PCDHGB1: variants seen among roughly 807,000 people sequenced by gnomAD.
PCDHGB1 encodes protocadherin gamma subfamily B, 1.
Under a neutral mutation model 56.6 loss-of-function variants are expected in PCDHGB1, and 34 were observed. The ratio of observed to expected loss-of-function variants is 0.60; its 90% CI spans 0.46 to 0.80. PCDHGB1 has a LOEUF of 0.80. PCDHGB1 is among the 30% of genes least tolerant of loss of function. The pLI is 0.00. For synonymous variants in PCDHGB1, 561 were observed against 505.9 expected, an observed-to-expected ratio of 1.11 and a Z score of -1.46; for missense variants, 1,278 against 1,204.6, an observed-to-expected ratio of 1.06 and a Z score of -0.90.
intron 1 of PCDHGB1, among the ~76,000 whole-genome samples, chr5:141,363,849 A>C (rs1476052726): frequency 6.6e-6 from 1 of 152,206 alleles, no homozygotes; most frequent in African/African-American, 2.4e-5. Flanking sequence ...AATTTAATGG[A>C]CTAAATATAG....
At chr5:141,478,090 C>T in intron 1 of PCDHGB1, 2 of 1,614,108 alleles carry the variant, frequency 1.2e-6, no homozygotes, top group Non-Finnish European at 1.7e-6. Flanking sequence ...CGCTCTCCAC[C>T]ACTGCTACCC....
intron 1 of PCDHGB1, chr5:141,385,343 T>C: frequency 1.3e-6 from 2 of 1,568,526 alleles, no homozygotes; most frequent in Non-Finnish European, 1.7e-6. Flanking sequence ...GCCCTTCCTT[T>C]ATTTCCATGA....
chr5:141,351,540 C>G lies in PCDHGB1; in HGVS notation c.1280C>G (p.Ala427Gly). Residue 427 changes from alanine to glycine, a missense_variant, in exon 1 of 4, where the codon GCC becomes GGC. Transcript: ENST00000523390. ...ATAGCCACCGACAAGGGCAAACCAGCCCTTTCCTCCAGGACAAGCATCACC... is the reference window on the plus strand; with the variant it reads ...ATAGCCACCGACAAGGGCAAACCAGGCCTTTCCTCCAGGACAAGCATCACC... ...TIIATDKGKP[A>G]LSSRTSITLH... 1 of 1,614,024 alleles carries G rather than the reference C, an allele frequency of 6.2e-7. No homozygotes were observed. Among genetic ancestry groups the G allele is most frequent in the Non-Finnish European group, 8.5e-7 (1 of 1,179,892 alleles).
chr5:141,502,098 G>T (rs1341016516), intron 2 of PCDHGB1, among the ~76,000 whole-genome samples: 2 of 152,108 alleles, frequency 1.3e-5, no homozygotes, highest in Non-Finnish European at 2.9e-5. Flanking sequence ...ACCTGGCCTT[G>T]ACCCTGCACC....
In PCDHGB1 at chr5:141,351,684, C is replaced by G; in HGVS notation, c.1424C>G (p.Pro475Arg). The G allele has an allele frequency of 1.9e-6, 3 of 1,613,988 alleles. No homozygotes were observed. Among genetic ancestry groups the G allele is most frequent in the Non-Finnish European group, 2.5e-6 (3 of 1,179,910 alleles). The change falls in exon 1 of 4, where the codon CCG becomes CGG. Residue 475 changes from proline to arginine, a missense_variant. Physicochemically the swap from Pro to Arg is moderately radical, Grantham distance 103. Transcript: ENST00000523390. ...ATTGCACAAGTAAGCGCCTCCGACCCGGATTTGGGACCCAACGGCAGAGTC... is the reference window on the plus strand; with the variant it reads ...ATTGCACAAGTAAGCGCCTCCGACCGGGATTTGGGACCCAACGGCAGAGTC... ...ASIAQVSASD[P>R]DLGPNGRVSY... is the part of the protein sequence containing the mutation.
rs550161736 is a variant in PCDHGB1, at chr5:141,427,826, G to T, written c.2410-66981G>T. ...GCGCACAGAGCGGGGTGGTGGTCGCGCAGCGTGCCTTCGACCACGAGCAGC... is the reference window on the plus strand; with the variant it reads ...GCGCACAGAGCGGGGTGGTGGTCGCTCAGCGTGCCTTCGACCACGAGCAGC... On this transcript the variant is annotated intron_variant, in intron 1 of 3. Coordinates refer to ENST00000523390, the MANE Select transcript of PCDHGB1 (RefSeq NM_018922.3). The T allele has an allele frequency of 2.6e-6, 4 of 1,536,502 alleles. No individual in the cohort carries two copies. The East Asian group carries it at 6.8e-5, about 26-fold the overall frequency.
At position 141,382,739 on chromosome 5, in the gene PCDHGB1, G is replaced by A. The variant is rs1005950630; in HGVS notation, c.2409+30070G>A. 8.7e-6 allele frequency: 5 copies of A among 573,776 alleles called. No homozygotes were observed. The African/African-American group carries it at 9.3e-5, about 11-fold the overall frequency. The allele number at this position is 573,776 out of a possible 1,614,324, so 35.5% of individuals were successfully genotyped here. On this transcript the variant is annotated intron_variant, in intron 1 of 3. Coordinates refer to ENST00000523390, the MANE Select transcript of PCDHGB1 (RefSeq NM_018922.3). ...ACCGAGTTTTACAGCACAGAGAAACGACAGATTGCGATAAGCCCTCTTCCA... is the reference window on the plus strand; with the variant it reads ...ACCGAGTTTTACAGCACAGAGAAACAACAGATTGCGATAAGCCCTCTTCCA...
intron 1 of PCDHGB1, chr5:141,372,119 C>T (rs568477128): frequency 1.2e-6 from 2 of 1,613,802 alleles, no homozygotes; most frequent in East Asian, 2.2e-5. Context: ...CTGCGCTCTT[C>T]GATATGGTGC....
intron 1 of PCDHGB1, chr5:141,416,038 G>T: frequency 5.1e-6 from 1 of 196,894 alleles, no homozygotes; most frequent in Non-Finnish European, 1.0e-5. Flanking sequence ...AATCACCTCT[G>T]GAAACACAAC....
At chr5:141,484,790 A>T (rs1562101198) in intron 1 of PCDHGB1, among the ~76,000 whole-genome samples, 1 of 152,076 alleles carries the variant, frequency 6.6e-6, no homozygotes, top group Admixed American at 6.6e-5. Flanking sequence ...CACAGAGATA[A>T]CAACCCGTGG....
Position 141,351,086 on chromosome 5 carries a change from T to C in PCDHGB1, c.826T>C (p.Tyr276His), listed in dbSNP as rs1440680025. 4 of 1,613,922 alleles carry C rather than the reference T, an allele frequency of 2.5e-6. No homozygotes were observed. Among genetic ancestry groups the C allele is most frequent in the African/African-American group, 2.7e-5 (2 of 74,952 alleles). ...QDEGINAEITYAFLNSPISTS... is the reference protein window; with the variant it reads ...QDEGINAEITHAFLNSPISTS... ...TGAGGGCATTAATGCAGAGATCACCTATGCCTTCCTCAATTCCCCAATAAG... is the reference window on the plus strand; with the variant it reads ...TGAGGGCATTAATGCAGAGATCACCCATGCCTTCCTCAATTCCCCAATAAG... Residue 276 changes from tyrosine to histidine, a missense_variant, in exon 1 of 4, where the codon TAT becomes CAT. Transcript: ENST00000523390.
chr5:141,428,168 C>A, intron 1 of PCDHGB1: 1 of 1,551,608 alleles, frequency 6.4e-7, no homozygotes, highest in Non-Finnish European at 8.8e-7. Context: ...GGTTGCTGTG[C>A]GTGACGGAGG....
At chr5:141,371,836 T>C (rs1399404619) in intron 1 of PCDHGB1, 2 of 1,613,592 alleles carry the variant, frequency 1.2e-6, no homozygotes, top group East Asian at 4.5e-5. Flanking sequence ...GATCCCGACT[T>C]GGGACCTAAT....
chr5:141,370,155 T>C, intron 1 of PCDHGB1: 1 of 456,622 alleles, frequency 2.2e-6, no homozygotes, highest in Non-Finnish European at 3.8e-6. Flanking sequence ...TTACTGCAGT[T>C]CTGCAGCAGA....
intron 1 of PCDHGB1, chr5:141,408,066 G>T: frequency 7.3e-7 from 1 of 1,364,656 alleles, no homozygotes; most frequent in Non-Finnish European, 9.7e-7. Flanking sequence ...CGGCTGCGCA[G>T]ACCTTTCCCA....
intron 1 of PCDHGB1, chr5:141,405,602 A>C: frequency 1.7e-6 from 1 of 572,914 alleles, no homozygotes; most frequent in South Asian, 2.3e-5. Flanking sequence ...CCCAAGTAGA[A>C]TAACTGGGAC....
chr5:141,472,557 A>G (rs2099288029), intron 1 of PCDHGB1, among the ~76,000 whole-genome samples: 3 of 152,044 alleles, frequency 2.0e-5, no homozygotes, highest in Admixed American at 1.3e-4. Flanking sequence ...AAAAAATTAT[A>G]TTATAAATGC....
chr5:141,404,183 G>T lies in PCDHGB1; in HGVS notation c.2409+51514G>T, dbSNP rs759576056. ...CAGATTGTTGACGGCCCAAATTCTT[G>T]ACCGAGAAAAAGCCTCAGAATATAA... On this transcript the variant is annotated intron_variant, in intron 1 of 3. Coordinates refer to ENST00000523390, the MANE Select transcript of PCDHGB1 (RefSeq NM_018922.3). 2.5e-6 allele frequency: 4 copies of T among 1,613,154 alleles called. No individual in the cohort carries two copies. In the South Asian group the frequency reaches 4.4e-5, roughly 18 times the overall value.
chr5:141,354,642 T>C (rs554311195), intron 1 of PCDHGB1, among the ~76,000 whole-genome samples: 1 of 152,322 alleles, frequency 6.6e-6, no homozygotes, highest in South Asian at 2.1e-4. Flanking sequence ...GTCTCATCCA[T>C]TTTTCAAGTC....
Sources: allele counts gnomAD v4.1 joint callset (sites outside exome capture counted in the v4.1 genomes callset), GRCh38; gene constraint gnomAD v4.1.1; transcripts MANE v1.5; gene names NCBI Gene and HGNC (gene_info 2026-07-23, HGNC 2026-07-21).